OTOGL: variants seen among roughly 807,000 people sequenced by gnomAD.
The protein encoded by OTOGL is otogelin like, also known as otogelin-like protein.
Under a neutral mutation model 318.5 loss-of-function variants are expected in OTOGL, and 285 were observed. That is an observed-to-expected ratio of 0.89 (90% CI 0.81 to 0.99). OTOGL has a LOEUF of 0.99. OTOGL is among the 50% of genes least tolerant of loss of function. The probability of loss-of-function intolerance (pLI) is 0.00; values close to 1 mark genes in which losing one functional copy is unlikely to be tolerated. For synonymous variants in OTOGL, 987 were observed against 936.5 expected (o/e 1.05, Z -0.99); for missense variants, 2,899 against 2,845.6 (o/e 1.02, Z -0.43).
At chr12:80,231,149 A>T (rs1472124647) in intron 8 of OTOGL, among the ~76,000 whole-genome samples, 1 of 152,208 alleles carries the variant, frequency 6.6e-6, no homozygotes, top group Admixed American at 6.5e-5. Context: ...TTACTCTGAA[A>T]TATATTTATA....
At position 80,255,023 on chromosome 12, in the gene OTOGL, C is replaced by CT. The variant is rs761399547; in HGVS notation, c.1442-6dup. 0.049 allele frequency: 42,812 copies of CT among 872,724 alleles called. 5 individuals carry two copies. Among genetic ancestry groups the CT allele is most frequent in the East Asian group, 0.065 (1,490 of 22,766 alleles). The allele number at this position is 872,724 out of a possible 1,614,324, so 54.1% of individuals were successfully genotyped here. A position where few individuals can be genotyped will look rare whatever the true frequency, so the allele number is the denominator to read the frequency against. On this transcript the variant is annotated splice_polypyrimidine_tract_variant and intron_variant, in intron 15 of 58. Coordinates refer to ENST00000547103, the MANE Select transcript of OTOGL (RefSeq NM_001378609.3). ...ACCTCCTTTTCTTTTTCTTTGTTTTCTTTTTTTTTTTGGCAGTTCAATGCT... is the reference window on the plus strand; with the variant it reads ...ACCTCCTTTTCTTTTTCTTTGTTTTCTTTTTTTTTTTTGGCAGTTCAATGCT...
intron 7 of OTOGL, among the ~76,000 whole-genome samples, chr12:80,222,568 T>C (rs1878453943): frequency 6.6e-6 from 1 of 152,182 alleles, no homozygotes; most frequent in African/African-American, 2.4e-5. Context: ...TGCTAGGTAG[T>C]TTGATACTAT....
At chr12:80,165,150 CAAG>C (rs1873754354) in intron 1 of OTOGL, among the ~76,000 whole-genome samples, 1 of 152,110 alleles carries the variant, frequency 6.6e-6, no homozygotes, top group Non-Finnish European at 1.5e-5. Flanking sequence ...AAAAAATTTG[CAAG>C]ATATTTCTTG....
Position 80,305,270 on chromosome 12 carries a change from C to T in OTOGL, c.3214-306C>T, listed in dbSNP as rs770140187. 1.3e-3 allele frequency among the ~76,000 whole-genome samples: 202 copies of T among 152,168 alleles called. 2 individuals are homozygous for T. The highest frequency in any genetic ancestry group is 3.4e-3 in the Middle Eastern group (1 of 294). ...GCATACACATACACTCTCATATGTA[C>T]TGTCTTGTTTGAATTATACTTTTCA... On this transcript the variant is annotated intron_variant, in intron 28 of 58. Coordinates refer to ENST00000547103, the MANE Select transcript of OTOGL (RefSeq NM_001378609.3).
intron 34 of OTOGL, among the ~76,000 whole-genome samples, chr12:80,322,173 A>G (rs1887380186): frequency 6.6e-6 from 1 of 152,170 alleles, no homozygotes; most frequent in Admixed American, 6.6e-5. Flanking sequence ...AACCAAGGGG[A>G]GAGCTGTCCT....
At chr12:80,158,356 G>A (rs915118736) in intron 1 of OTOGL, among the ~76,000 whole-genome samples, 2 of 152,048 alleles carry the variant, frequency 1.3e-5, no homozygotes, top group Admixed American at 1.3e-4. Flanking sequence ...TAAATGAAAT[G>A]TGTGTATATA....
At position 80,284,946 on chromosome 12, in the gene OTOGL, TTTGC is replaced by T. The variant is rs202070984; in HGVS notation, c.2928+5782_2928+5785del. 2.3e-3 allele frequency among the ~76,000 whole-genome samples: 345 copies of T among 152,248 alleles called. 9 individuals are homozygous for T. In the East Asian group the frequency reaches 0.058, roughly 26 times the overall value. On this transcript the variant is annotated intron_variant, in intron 26 of 58. Transcript: ENST00000547103. ...CTTTTGGTGTTTTAGTCATGAAGGC[TTTGC>T]TCATGCCCATGTCCTGAATGGTATT...
intron 1 of OTOGL, among the ~76,000 whole-genome samples, chr12:80,136,836 CTTTG>C (rs567666399): frequency 1.1e-4 from 17 of 151,960 alleles, no homozygotes; most frequent in Admixed American, 6.6e-4. Context: ...ATATTATGTA[CTTTG>C]TTTATTTATA....
chr12:80,377,134 G>A lies in OTOGL; in HGVS notation c.6793G>A (p.Glu2265Lys). 6.2e-7 allele frequency: 1 copy of A among 1,605,526 alleles called. No individual in the cohort carries two copies. The highest frequency in any genetic ancestry group is 8.5e-7 in the Non-Finnish European group (1 of 1,175,290). ...EGCCKICKREERICQKVIIKS... is the reference protein window; with the variant it reads ...EGCCKICKREKRICQKVIIKS... Reference sequence around the variant, plus strand: ...TTATATTTTATCAGGCAAACGAGAAGAAAGAATATGCCAGAAAGTGATCAT... The same window carrying A: ...TTATATTTTATCAGGCAAACGAGAAAAAAGAATATGCCAGAAAGTGATCAT... Residue 2265 changes from glutamate to lysine, a missense_variant, in exon 58 of 59, where the codon GAA (glutamate) becomes AAA (lysine). Physicochemically the swap from Glu to Lys is moderately conservative, Grantham distance 56. This residue lies in a region of OTOGL where 289 missense variants were observed against 304.6 expected (regional missense o/e 0.95). Coordinates refer to ENST00000547103, the MANE Select transcript of OTOGL (RefSeq NM_001378609.3).
chr12:80,296,719 C>T, intron 26 of OTOGL, 108 bp from the exon 27 acceptor site: 1 of 849,420 alleles, frequency 1.2e-6, no homozygotes, highest in Non-Finnish European at 1.6e-6. Context: ...AGTTGTTTTT[C>T]AGTTCTAATG....
At chr12:80,279,983 A>C (rs566205563) in intron 26 of OTOGL, among the ~76,000 whole-genome samples, 1 of 151,640 alleles carries the variant, frequency 6.6e-6, no homozygotes, top group Admixed American at 6.6e-5. Context: ...ACTTTTTAAT[A>C]ATAGCCATTT....
intron 1 of OTOGL, among the ~76,000 whole-genome samples, chr12:80,171,241 AT>A (rs889353513): frequency 6.6e-6 from 1 of 151,044 alleles, no homozygotes; most frequent in East Asian, 2.0e-4. Context: ...GCCCATCTAA[AT>A]TTTTTTTTGT....
rs963899681 is a variant in OTOGL at position 80,265,030 on chromosome 12, C to T, written c.2044C>T (p.His682Tyr). The part of the protein sequence containing the change: ...IGYAAHCDVI[H>Y]QELFAPCHIY... ...GTATGCAGCACACTGTGATGTCATC[C>T]ACCAGGAGCTCTTTGCTCCTTGCCA... The change falls in exon 20 of 59, where the codon CAC becomes TAC. Residue 682 changes from histidine (H) to tyrosine (Y), a missense_variant. This residue lies in a region of OTOGL where 2,607 missense variants were observed against 2,524.9 expected (regional missense o/e 1.03). Coordinates refer to ENST00000547103, the MANE Select transcript of OTOGL (RefSeq NM_001378609.3). 3.1e-6 allele frequency: 5 copies of T among 1,613,726 alleles called. No individual in the cohort carries two copies. Among genetic ancestry groups the T allele is most frequent in the Non-Finnish European group, 4.2e-6 (5 of 1,179,838 alleles).
intron 56 of OTOGL, among the ~76,000 whole-genome samples, chr12:80,371,264 A>G (rs1890858981): frequency 6.6e-6 from 1 of 152,120 alleles, no homozygotes; most frequent in Non-Finnish European, 1.5e-5. Context: ...AGCTTTATTT[A>G]TTTAGACAAT....
In OTOGL at chr12:80,242,339, AC is replaced by A. The variant is rs2137446589; in HGVS notation, c.1052+2902del. Among the ~76,000 whole-genome samples, 3 of 152,228 alleles carry A rather than the reference AC, an allele frequency of 2.0e-5. 1 individual carries two copies. The South Asian group carries it at 6.2e-4, about 32-fold the overall frequency. On this transcript the variant is annotated intron_variant, in intron 11 of 58. Coordinates refer to ENST00000547103, the MANE Select transcript of OTOGL (RefSeq NM_001378609.3). ...GAAATCAGCTGACACCTTAAGAGATACCTTTGTGGTAGAGAGGCTGGGTTTA... is the reference window on the plus strand; with the variant it reads ...GAAATCAGCTGACACCTTAAGAGATACTTTGTGGTAGAGAGGCTGGGTTTA...
chr12:80,200,315 A>G (rs1179734667), intron 1 of OTOGL, among the ~76,000 whole-genome samples: 2 of 152,222 alleles, frequency 1.3e-5, no homozygotes, highest in African/African-American at 2.4e-5. Flanking sequence ...TTATGTGTCC[A>G]CAAATAAATG....
chr12:80,197,388 G>A (rs978506002), intron 1 of OTOGL, among the ~76,000 whole-genome samples: 1 of 151,972 alleles, frequency 6.6e-6, no homozygotes, highest in Non-Finnish European at 1.5e-5. Flanking sequence ...CACCATGCCC[G>A]GCTAATTTTT....
chr12:80,333,418 A>G (rs1009635653), intron 38 of OTOGL, among the ~76,000 whole-genome samples: 1 of 151,760 alleles, frequency 6.6e-6, no homozygotes, highest in African/African-American at 2.4e-5. Context: ...GATGTTAAAC[A>G]TACACTGGAA....
At chr12:80,208,305 T>C (rs1353032031) in intron 1 of OTOGL, 1 of 472,694 alleles carries the variant, frequency 2.1e-6, no homozygotes, top group Non-Finnish European at 4.2e-6. Flanking sequence ...CATGTAACAT[T>C]AGTTAGGATG....
Sources: allele counts gnomAD v4.1 joint callset (sites outside exome capture counted in the v4.1 genomes callset), GRCh38; gene constraint gnomAD v4.1.1; regional missense constraint gnomAD v4.1.1; transcripts MANE v1.5; gene names NCBI Gene and HGNC (gene_info 2026-07-23, HGNC 2026-07-21).